The following TRABD2B variants were observed in gnomAD, a reference collection of about 807,000 sequenced individuals.
The protein encoded by TRABD2B is metalloprotease TIKI2.
Under a neutral mutation model 40.1 loss-of-function variants are expected in TRABD2B, and 14 were observed. That is an observed-to-expected ratio of 0.35 (90% CI 0.23 to 0.55). TRABD2B has a LOEUF of 0.55. Among genes scored for constraint, TRABD2B ranks in the 20% least tolerant of loss-of-function variants. The pLI is 0.90. For synonymous variants in TRABD2B, 263 were observed against 277.0 expected, an observed-to-expected ratio of 0.95 and a Z score of 0.50; for missense variants, 541 against 648.6, an observed-to-expected ratio of 0.83 and a Z score of 1.80.
chr1:47,872,641 A>C (rs1453202379), intron 2 of TRABD2B, among the ~76,000 whole-genome samples: 5 of 152,192 alleles, frequency 3.3e-5, no homozygotes, highest in Non-Finnish European at 1.5e-5. Flanking sequence ...AGGCCAAGGA[A>C]GAGTCAGAGA....
chr1:47,813,457 T>C lies in TRABD2B; in HGVS notation c.667-11838A>G, dbSNP rs754728460. ...CTGCTAAGCCACCGGTTACCAAGCC[T>C]TCAGAGACAAACAGCAGCTGAAAGG... On this transcript the variant is annotated intron_variant, in intron 2 of 6. Coordinates refer to ENST00000606738, the MANE Select transcript of TRABD2B (RefSeq NM_001194986.2). The surrounding 1 kb of genome is among the most constrained non-coding windows in gnomAD (Gnocchi z 4.3). Among the ~76,000 whole-genome samples the C allele has an allele frequency of 1.5e-4, 23 of 152,158 alleles. No homozygotes were observed. The highest frequency in any genetic ancestry group is 2.1e-4 in the Non-Finnish European group (14 of 68,040).
chr1:47,926,714 A>T (rs530909646), intron 2 of TRABD2B, among the ~76,000 whole-genome samples: 8 of 152,266 alleles, frequency 5.3e-5, no homozygotes, highest in Admixed American at 1.3e-4. Flanking sequence ...GATAGGGCAT[A>T]GTTTCCAAAC....
chr1:47,922,719 A>G (rs1644918303), intron 2 of TRABD2B, among the ~76,000 whole-genome samples: 1 of 152,138 alleles, frequency 6.6e-6, no homozygotes, highest in Non-Finnish European at 1.5e-5. Context: ...AATGCACTCA[A>G]ATCTGTCCTC....
At chr1:47,815,845 A>ATAGCTAGCTAGC (rs59538710) in intron 2 of TRABD2B, among the ~76,000 whole-genome samples, 6 of 127,290 alleles carry the variant, frequency 4.7e-5, no homozygotes, top group African/African-American at 1.6e-4. Flanking sequence ...AGATAGATAG[A>ATAGCTAGCTAGC]TAGATAGAAA....
chr1:47,760,686 C>T lies in TRABD2B; in HGVS notation c.*5216G>A, dbSNP rs1460145474. Reference sequence around the variant, plus strand: ...GGCAGAGGTGATAAGAGAACAACATCATGAATACCTTTCAAATACATGAAT... The same window carrying T: ...GGCAGAGGTGATAAGAGAACAACATTATGAATACCTTTCAAATACATGAAT... On this transcript the variant is annotated 3_prime_UTR_variant, in exon 7 of 7. Transcript: ENST00000606738. 6.6e-6 allele frequency: 1 copy of T among 152,204 alleles called. No individual in the cohort carries two copies. The highest frequency in any genetic ancestry group is 1.9e-4 in the East Asian group (1 of 5,190). 9.4% of individuals were successfully genotyped at this position (152,204 alleles called of 1,614,324 possible).
At chr1:47,795,733 C>A (rs1644739279) in intron 3 of TRABD2B, 1 of 984,776 alleles carries the variant, frequency 1.0e-6, no homozygotes, top group Non-Finnish European at 1.2e-6. Flanking sequence ...ATGCCTGAGC[C>A]ACCATCTGCT....
intron 2 of TRABD2B, among the ~76,000 whole-genome samples, chr1:47,889,413 C>G (rs1029746318): frequency 6.6e-6 from 1 of 152,198 alleles, no homozygotes; most frequent in Non-Finnish European, 1.5e-5. Flanking sequence ...TGTGCAATTG[C>G]CAAGCACGGT....
chr1:47,866,867 G>T (rs756520585), intron 2 of TRABD2B, among the ~76,000 whole-genome samples: 2 of 152,170 alleles, frequency 1.3e-5, no homozygotes, highest in Non-Finnish European at 2.9e-5. Context: ...GCGCCCCAAG[G>T]TCTAGAAATG....
chr1:47,782,748 C>T (rs1325580591), intron 4 of TRABD2B, among the ~76,000 whole-genome samples: 1 of 152,138 alleles, frequency 6.6e-6, no homozygotes, highest in African/African-American at 2.4e-5. Context: ...CAGGAGCTGG[C>T]AGACAGGAAC....
At chr1:47,785,196 C>T (rs1220247077) in intron 4 of TRABD2B, among the ~76,000 whole-genome samples, 1 of 152,144 alleles carries the variant, frequency 6.6e-6, no homozygotes, top group Non-Finnish European at 1.5e-5. Context: ...GTCCCTCCTC[C>T]ATGACATTCT....
chr1:47,825,042 C>G (rs745761142), intron 2 of TRABD2B, among the ~76,000 whole-genome samples: 5 of 152,162 alleles, frequency 3.3e-5, no homozygotes, highest in Non-Finnish European at 7.3e-5. Flanking sequence ...ATCTCAGGCT[C>G]AGAGAGAGGG....
intron 2 of TRABD2B, among the ~76,000 whole-genome samples, chr1:47,839,778 C>A (rs116232397): frequency 1.5e-3 from 223 of 152,254 alleles, no homozygotes; most frequent in African/African-American, 4.9e-3. Flanking sequence ...GGAGGGCAAC[C>A]GCTTAACTCC....
intron 3 of TRABD2B, 115 bp downstream of exon 3, chr1:47,801,358 A>G: frequency 8.9e-7 from 1 of 1,118,988 alleles, no homozygotes; most frequent in East Asian, 2.6e-5. Flanking sequence ...CACCTATAAA[A>G]GGGGAATAAC....
At chr1:47,973,304 A>T (rs1645707730) in intron 2 of TRABD2B, among the ~76,000 whole-genome samples, 1 of 152,216 alleles carries the variant, frequency 6.6e-6, no homozygotes, top group Non-Finnish European at 1.5e-5. Context: ...GTCCCCAGCC[A>T]TGCACACTTG....
chr1:47,932,804 G>C (rs150189534), intron 2 of TRABD2B, among the ~76,000 whole-genome samples: 3 of 152,244 alleles, frequency 2.0e-5, no homozygotes, highest in African/African-American at 7.2e-5. Context: ...TCTGAACATG[G>C]GGATTAATGA....
At chr1:47,905,073 G>A (rs532364040) in intron 2 of TRABD2B, among the ~76,000 whole-genome samples, 2 of 152,056 alleles carry the variant, frequency 1.3e-5, no homozygotes, top group South Asian at 4.2e-4. Context: ...GGTCAAAGAG[G>A]AGGAGAGGAG....
At chr1:47,852,458 G>A (rs1354333332) in intron 2 of TRABD2B, among the ~76,000 whole-genome samples, 2 of 152,180 alleles carry the variant, frequency 1.3e-5, no homozygotes, top group African/African-American at 2.4e-5. Flanking sequence ...ATGTGAGCCC[G>A]TTTCAGAGAG....
chr1:47,927,890 G>A (rs559240495), intron 2 of TRABD2B, among the ~76,000 whole-genome samples: 1 of 152,234 alleles, frequency 6.6e-6, no homozygotes, highest in African/African-American at 2.4e-5. Flanking sequence ...CCCAACAAGA[G>A]TCAATCTTTC....
At chr1:47,826,568 T>C (rs908484012) in intron 2 of TRABD2B, among the ~76,000 whole-genome samples, 88 of 152,148 alleles carry the variant, frequency 5.8e-4, no homozygotes, top group Admixed American at 5.6e-3. Context: ...GGAGCCATTT[T>C]TTTGGTGGTG....
Sources: allele counts gnomAD v4.1 joint callset (sites outside exome capture counted in the v4.1 genomes callset), GRCh38; gene constraint gnomAD v4.1.1; non-coding constraint Gnocchi (gnomAD v3.1); transcripts MANE v1.5; gene names NCBI Gene and HGNC (gene_info 2026-07-23, HGNC 2026-07-21).